Variants in NCKAP5 observed in about 807,000 individuals in gnomAD.
The protein encoded by NCKAP5 is nck-associated protein 5.
Under a neutral mutation model 167.0 loss-of-function variants are expected in NCKAP5, and 92 were observed. That is an observed-to-expected ratio of 0.55 (90% confidence interval 0.47 to 0.66). NCKAP5 has a LOEUF of 0.66. Among genes scored for constraint, NCKAP5 ranks in the 30% least tolerant of loss-of-function variants. NCKAP5 has a pLI of 0.00. For missense variants in NCKAP5, 2,378 were observed against 2,315.0 expected (o/e 1.03, Z -0.56); for synonymous variants, 891 against 877.4 (o/e 1.02, Z -0.27).
intron 3 of NCKAP5, among the ~76,000 whole-genome samples, chr2:133,473,803 A>G (rs1428012898): frequency 6.6e-6 from 1 of 152,188 alleles, no homozygotes; most frequent in East Asian, 1.9e-4. Context: ...TTCTTTGTCA[A>G]TTGGCAAACA....
chr2:133,658,024 A>C, the NCKAP5 span, among the ~76,000 whole-genome samples: 1 of 152,140 alleles, frequency 6.6e-6, no homozygotes, highest in Non-Finnish European at 1.5e-5. Context: ...ATTCATAGGA[A>C]GGTATGGGCA....
At chr2:133,451,325 A>C (rs1294115933) in intron 3 of NCKAP5, among the ~76,000 whole-genome samples, 1 of 152,192 alleles carries the variant, frequency 6.6e-6, no homozygotes, top group Non-Finnish European at 1.5e-5. Context: ...TCACCACTGC[A>C]AATAATTGAT....
intron 6 of NCKAP5, among the ~76,000 whole-genome samples, chr2:133,001,775 A>C (rs1298612579): frequency 6.6e-6 from 1 of 152,120 alleles, no homozygotes; most frequent in Non-Finnish European, 1.5e-5. Context: ...CGTTACTTGC[A>C]AATGCTGCAC....
At chr2:133,399,193 T>C (rs1049997937) in intron 3 of NCKAP5, among the ~76,000 whole-genome samples, 1 of 151,912 alleles carries the variant, frequency 6.6e-6, no homozygotes, top group African/African-American at 2.4e-5. Flanking sequence ...ATCACAGCTA[T>C]GTAACAAAAG....
intron 11 of NCKAP5, among the ~76,000 whole-genome samples, chr2:132,858,160 A>G (rs1461581420): frequency 6.6e-6 from 1 of 152,162 alleles, no homozygotes; most frequent in Non-Finnish European, 1.5e-5. Context: ...TGCTATAATG[A>G]ATCCAAAGAC....
At chr2:133,492,017 G>A (rs1413968499) in intron 3 of NCKAP5, among the ~76,000 whole-genome samples, 1 of 152,008 alleles carries the variant, frequency 6.6e-6, no homozygotes, top group Non-Finnish European at 1.5e-5. Flanking sequence ...AGGAGCTCCT[G>A]CCCCTGCAAG....
At chr2:133,478,659 T>C (rs545552917) in intron 3 of NCKAP5, among the ~76,000 whole-genome samples, 27 of 152,238 alleles carry the variant, frequency 1.8e-4, no homozygotes, top group African/African-American at 5.8e-4. Context: ...TAGCCAAGAT[T>C]TATGACGAAA....
chr2:133,202,379 A>C (rs1040279349), intron 5 of NCKAP5, among the ~76,000 whole-genome samples: 3 of 152,180 alleles, frequency 2.0e-5, no homozygotes, highest in African/African-American at 4.8e-5. Context: ...CTTATACAAA[A>C]ATTAATTCAA....
intron 11 of NCKAP5, among the ~76,000 whole-genome samples, chr2:132,811,855 C>G (rs1360764739): frequency 6.6e-6 from 1 of 152,108 alleles, no homozygotes; most frequent in Non-Finnish European, 1.5e-5. Flanking sequence ...TGGAGTTTTA[C>G]CCCCCGCTCC....
intron 8 of NCKAP5, among the ~76,000 whole-genome samples, chr2:132,899,234 C>T (rs1426868118): frequency 6.6e-6 from 1 of 152,216 alleles, no homozygotes. Flanking sequence ...ATGAACTACC[C>T]TCTACTAGCT....
chr2:132,881,320 GACC>G (rs1691729309), intron 8 of NCKAP5, among the ~76,000 whole-genome samples: 1 of 151,796 alleles, frequency 6.6e-6, no homozygotes, highest in South Asian at 2.1e-4. Flanking sequence ...GATTACAGGT[GACC>G]ACCACCACAC....
chr2:133,147,840 G>A (rs2083254991), intron 5 of NCKAP5, among the ~76,000 whole-genome samples: 1 of 151,974 alleles, frequency 6.6e-6, no homozygotes, highest in African/African-American at 2.4e-5. Flanking sequence ...GTGACTCTAA[G>A]TCCTATTTAG....
the NCKAP5 span, among the ~76,000 whole-genome samples, chr2:133,665,687 G>C: frequency 6.7e-6 from 1 of 149,834 alleles, no homozygotes; most frequent in Non-Finnish European, 1.5e-5. Context: ...TTAATGCAGG[G>C]TTGTCACAAG....
At chr2:133,608,228 A>G in the NCKAP5 span, among the ~76,000 whole-genome samples, 1 of 152,138 alleles carries the variant, frequency 6.6e-6, no homozygotes, top group Non-Finnish European at 1.5e-5. Flanking sequence ...TAGCTTTTTC[A>G]TGTCTTTTCT....
intron 3 of NCKAP5, among the ~76,000 whole-genome samples, chr2:133,401,968 T>A (rs1477073039): frequency 6.6e-6 from 1 of 152,160 alleles, no homozygotes; most frequent in Admixed American, 6.5e-5. Flanking sequence ...CCTGTCATGA[T>A]CTCTCGAGAT....
At chr2:133,387,260 G>A (rs1006516208) in intron 3 of NCKAP5, among the ~76,000 whole-genome samples, 6 of 152,134 alleles carry the variant, frequency 3.9e-5, no homozygotes, top group Non-Finnish European at 7.4e-5. Context: ...AAATCTCTCA[G>A]CAGTTGCTTG....
intron 3 of NCKAP5, among the ~76,000 whole-genome samples, chr2:133,312,556 C>T (rs1167368319): frequency 6.6e-6 from 1 of 152,074 alleles, no homozygotes; most frequent in Non-Finnish European, 1.5e-5. Flanking sequence ...AGCCTAAAGA[C>T]AAGACACTGC....
the NCKAP5 span, among the ~76,000 whole-genome samples, chr2:133,654,816 T>A: frequency 1.3e-5 from 2 of 152,222 alleles, no homozygotes; most frequent in Non-Finnish European, 2.9e-5. Context: ...TTTCCCATCT[T>A]CTTTACATCG....
At chr2:133,602,232 G>A in the NCKAP5 span, among the ~76,000 whole-genome samples, 1 of 152,168 alleles carries the variant, frequency 6.6e-6, no homozygotes, top group South Asian at 2.1e-4. Flanking sequence ...TTTGACCTGA[G>A]CCTTGGACAT....
Sources: allele counts gnomAD v4.1 joint callset (sites outside exome capture counted in the v4.1 genomes callset), GRCh38; gene constraint gnomAD v4.1.1; transcripts MANE v1.5; gene names NCBI Gene and HGNC (gene_info 2026-07-23, HGNC 2026-07-21).